The following MYBPHL variants were observed in gnomAD, a reference collection of about 807,000 sequenced individuals.
The protein encoded by MYBPHL is myosin binding protein H like, also known as myosin-binding protein H-like.
In MYBPHL, 32 loss-of-function variants were observed where a neutral mutation model predicts 39.5. The ratio of observed to expected loss-of-function variants is 0.81; its 90% CI spans 0.61 to 1.09. MYBPHL has a LOEUF of 1.09. Among genes scored for constraint, MYBPHL ranks in the 50% least tolerant of loss-of-function variants. MYBPHL has a pLI of 0.00. For missense variants in MYBPHL, 456 were observed against 460.2 expected (o/e 0.99, Z 0.08); for synonymous variants, 196 against 183.7 (o/e 1.07, Z -0.54).
Position 109,296,228 on chromosome 1 carries a change from A to G in MYBPHL, c.867+6T>C. On this transcript the variant is annotated splice_donor_region_variant and intron_variant, in intron 6 of 8. Coordinates refer to ENST00000357155, the MANE Select transcript of MYBPHL (RefSeq NM_001010985.3). ...CAGCACAGTGCCCCCCAGAGCCCCC[A>G]CTCACCCGGGGAGAGGCGCGGACAC... The G allele has an allele frequency of 1.2e-6, 2 of 1,612,680 alleles. No homozygotes were observed. The highest frequency in any genetic ancestry group is 1.1e-5 in the South Asian group (1 of 91,018).
Position 109,306,858 on chromosome 1 carries a change from G to T in MYBPHL, c.134C>A (p.Pro45His), listed in dbSNP as rs1658485637. The change falls in exon 1 of 9, where the codon CCC (proline) becomes CAC (histidine). Residue 45 changes from proline to histidine, a missense_variant. Physicochemically the swap from Pro to His is moderately conservative, Grantham distance 77. Coordinates refer to ENST00000357155, the MANE Select transcript of MYBPHL (RefSeq NM_001010985.3). Reference sequence around the variant, plus strand: ...CTGCCATGGGTCACCTTCTATAGGGGGCAGGAGCTGGGGAGTGGGGCTGCC... The same window carrying T: ...CTGCCATGGGTCACCTTCTATAGGGTGCAGGAGCTGGGGAGTGGGGCTGCC... Reference protein sequence around the residue: ...GAGSPTPQLLPPIEEHPKIWL... With the variant: ...GAGSPTPQLLHPIEEHPKIWL... 1 of 1,592,578 alleles carries T rather than the reference G, an allele frequency of 6.3e-7. No individual in the cohort carries two copies. Among genetic ancestry groups the T allele is most frequent in the African/African-American group, 1.4e-5 (1 of 73,492 alleles).
At chr1:109,300,186 G>A (rs999212827) in intron 1 of MYBPHL, among the ~76,000 whole-genome samples, 1 of 152,198 alleles carries the variant, frequency 6.6e-6, no homozygotes, top group Non-Finnish European at 1.5e-5. Flanking sequence ...AGAGGGCTCC[G>A]AGAAAGAAGC....
At chr1:109,302,161 T>C (rs751785903) in intron 1 of MYBPHL, among the ~76,000 whole-genome samples, 12 of 151,764 alleles carry the variant, frequency 7.9e-5, no homozygotes, top group Non-Finnish European at 1.3e-4. Context: ...TGTATGAGAG[T>C]GTGTGTGTGA....
At chr1:109,306,328 G>C (rs909523182) in intron 1 of MYBPHL, among the ~76,000 whole-genome samples, 16 of 152,152 alleles carry the variant, frequency 1.1e-4, no homozygotes, top group Non-Finnish European at 1.0e-4. Flanking sequence ...AGACTCTGAG[G>C]GGTCAGGATC....
rs745524301 is a variant in MYBPHL at position 109,297,148 on chromosome 1, A to G, written c.472T>C (p.Trp158Arg). ...CATTCCAGTGTAGCGCTGAAGCCCCAAACGTCCACCAGCTTAATACTCTGA... is the reference window on the plus strand; with the variant it reads ...CATTCCAGTGTAGCGCTGAAGCCCCGAACGTCCACCAGCTTAATACTCTGA... Reference protein sequence around the residue: ...PPQSIKLVDVWGFSATLEWTP... With the variant: ...PPQSIKLVDVRGFSATLEWTP... The change falls in exon 4 of 9, where the codon TGG becomes CGG. Residue 158 changes from tryptophan (W) to arginine (R), a missense_variant. By Grantham distance (101) the Trp-to-Arg change is moderately radical. Coordinates refer to ENST00000357155, the MANE Select transcript of MYBPHL (RefSeq NM_001010985.3). 6.8e-6 allele frequency: 11 copies of G among 1,614,184 alleles called. No individual in the cohort carries two copies. In the South Asian group the frequency reaches 7.7e-5, roughly 11 times the overall value.
rs778557706 is a variant in MYBPHL at position 109,298,255 on chromosome 1, G to T, written c.148C>A (p.His50Asn). The change falls in exon 2 of 9, where the codon CAC becomes AAC. Residue 50 changes from histidine (H) to asparagine (N), a missense_variant and splice_region_variant. His to Asn is a moderately conservative substitution (Grantham distance 68). Transcript: ENST00000357155. ...TPQLLPPIEE[H>N]PKIWLPRALR... Reference sequence around the variant, plus strand: ...GCCCGAGGTAGCCAGATCTTGGGGTGCTCTGAGTGATGGAAAGAGAGAGAA... The same window carrying T: ...GCCCGAGGTAGCCAGATCTTGGGGTTCTCTGAGTGATGGAAAGAGAGAGAA... The T allele has an allele frequency of 3.5e-5, 56 of 1,609,058 alleles. No homozygotes were observed. Among genetic ancestry groups the T allele is most frequent in the African/African-American group, 2.3e-4 (17 of 74,670 alleles).
At chr1:109,304,386 A>G (rs1337687132) in intron 1 of MYBPHL, among the ~76,000 whole-genome samples, 1 of 152,204 alleles carries the variant, frequency 6.6e-6, no homozygotes. Context: ...AACAGTTCAG[A>G]TTGAAAGAGA....
intron 7 of MYBPHL, 82 bp downstream of exon 7, chr1:109,295,029 C>T (rs373953002): frequency 2.9e-5 from 42 of 1,435,868 alleles, no homozygotes; most frequent in Non-Finnish European, 3.9e-5. Context: ...CCTAGGCTTG[C>T]GTCTCTGTTC....
At chr1:109,304,939 G>A (rs757158221) in intron 1 of MYBPHL, among the ~76,000 whole-genome samples, 2 of 152,174 alleles carry the variant, frequency 1.3e-5, no homozygotes, top group Non-Finnish European at 2.9e-5. Flanking sequence ...CATGCTTCCT[G>A]TGATACTCAG....
intron 2 of MYBPHL, 52 bp from the exon 3 acceptor site, chr1:109,297,669 C>G (rs1658132449): frequency 1.3e-6 from 2 of 1,530,372 alleles, no homozygotes; most frequent in Non-Finnish European, 1.8e-6. Flanking sequence ...TCCTGACTCT[C>G]CCTGCTGCTG....
At chr1:109,305,002 C>G (rs1371967543) in intron 1 of MYBPHL, among the ~76,000 whole-genome samples, 1 of 152,178 alleles carries the variant, frequency 6.6e-6, no homozygotes, top group Non-Finnish European at 1.5e-5. Context: ...GGCTTTGGAG[C>G]TCTCAGGGGG....
intron 1 of MYBPHL, among the ~76,000 whole-genome samples, chr1:109,305,033 G>C (rs1044008917): frequency 1.3e-5 from 2 of 152,178 alleles, no homozygotes; most frequent in Admixed American, 1.3e-4. Context: ...ATCTAGTCCA[G>C]GCCCATGCAT....
chr1:109,294,326 G>C (rs1365920762), intron 7 of MYBPHL, 77 bp from the exon 8 acceptor site: 3 of 1,403,076 alleles, frequency 2.1e-6, no homozygotes, highest in South Asian at 2.3e-5. Context: ...CATTAGAAAG[G>C]AATATTCTAT....
Position 109,297,410 on chromosome 1 carries a change from C to A in MYBPHL, c.430+12G>T. ...CTGAGGACCCCCCCATCTCCCACTT[C>A]CCCCACCGTACCAATCACCAGGATG... On this transcript the variant is annotated intron_variant, in intron 3 of 8. Transcript: ENST00000357155. 6.2e-7 allele frequency: 1 copy of A among 1,606,832 alleles called. No individual in the cohort carries two copies. Among genetic ancestry groups the A allele is most frequent in the Non-Finnish European group, 8.5e-7 (1 of 1,176,164 alleles).
chr1:109,303,767 C>G (rs560787702), intron 1 of MYBPHL, among the ~76,000 whole-genome samples: 1 of 152,230 alleles, frequency 6.6e-6, no homozygotes, highest in African/African-American at 2.4e-5. Flanking sequence ...AGTCCCTGCA[C>G]TGGCTGGCTG....
Position 109,296,355 on chromosome 1 carries a change from G to C in MYBPHL, c.746C>G (p.Thr249Ser), listed in dbSNP as rs1658063680. The C allele has an allele frequency of 6.2e-7, 1 of 1,614,122 alleles. No homozygotes were observed. The highest frequency in any genetic ancestry group is 8.5e-7 in the Non-Finnish European group (1 of 1,180,026). The change falls in exon 6 of 9, where the codon ACC becomes AGC. Residue 249 changes from threonine to serine, a missense_variant. By Grantham distance (58) the Thr-to-Ser change is moderately conservative (BLOSUM62 1). Coordinates refer to ENST00000357155, the MANE Select transcript of MYBPHL (RefSeq NM_001010985.3). ...HIQKAATVYKTKGFAQRDFSE... is the reference protein window; with the variant it reads ...HIQKAATVYKSKGFAQRDFSE... ...GAAGTCTCGTTGGGCAAACCCCTTG[G>C]TCTTGTAAACAGTAGCTGAGGGCAC...
chr1:109,293,896 A>G (rs937174250), intron 8 of MYBPHL, among the ~76,000 whole-genome samples: 1 of 151,448 alleles, frequency 6.6e-6, no homozygotes, highest in African/African-American at 2.4e-5. Flanking sequence ...AAACTCCATC[A>G]CTACTAAAAG....
chr1:109,303,089 T>A (rs1324198429), intron 1 of MYBPHL, among the ~76,000 whole-genome samples: 1 of 152,224 alleles, frequency 6.6e-6, no homozygotes, highest in African/African-American at 2.4e-5. Flanking sequence ...GCAGAATAGT[T>A]TTTAGTTCTT....
Position 109,298,183 on chromosome 1 carries a change from G to A in MYBPHL, c.220C>T (p.Leu74=), listed in dbSNP as rs1658153568. ...IRKVGDTVNL[L]IPFQGKPKPQ... is the part of the protein sequence containing the mutation. ...GGCATGATCACCTGGAATGGGATTA[G>A]TAGGTTCACTGTGTCCCCAACCTTC... is the stretch of plus-strand genomic sequence containing the variant. The change falls in exon 2 of 9, where the codon CTA becomes TTA. Residue 74 remains leucine, a synonymous_variant. Transcript: ENST00000357155. 1 of 1,609,590 alleles carries A rather than the reference G, an allele frequency of 6.2e-7. No homozygotes were observed. Among genetic ancestry groups the A allele is most frequent in the Non-Finnish European group, 8.5e-7 (1 of 1,178,190 alleles).
Sources: allele counts gnomAD v4.1 joint callset (sites outside exome capture counted in the v4.1 genomes callset), GRCh38; gene constraint gnomAD v4.1.1; transcripts MANE v1.5; gene names NCBI Gene and HGNC (gene_info 2026-07-23, HGNC 2026-07-21).